BNC2: variants seen among roughly 807,000 people sequenced by gnomAD.
BNC2 encodes zinc finger protein basonuclin-2.
Under a neutral mutation model 76.3 loss-of-function variants are expected in BNC2, and 20 were observed. That is an observed-to-expected ratio of 0.26 (90% CI 0.18 to 0.38). The LOEUF is 0.38. Among genes scored for constraint, BNC2 ranks in the 10% least tolerant of loss-of-function variants. The pLI, the probability that BNC2 is intolerant of heterozygous loss-of-function variation, is 1.00. For synonymous variants in BNC2, 582 were observed against 514.8 expected, an observed-to-expected ratio of 1.13 and a Z score of -1.77; for missense variants, 1,382 against 1,399.8, an observed-to-expected ratio of 0.99 and a Z score of 0.20.
At chr9:16,519,866 G>C (rs1817560289) in intron 5 of BNC2, among the ~76,000 whole-genome samples, 1 of 152,144 alleles carries the variant, frequency 6.6e-6, no homozygotes, top group Non-Finnish European at 1.5e-5. Flanking sequence ...CCTCCTTCCA[G>C]GTAGAACTAA....
chr9:16,436,332 T>G lies in BNC2; in HGVS notation c.1862A>C (p.His621Pro). The G allele has an allele frequency of 6.2e-7, 1 of 1,614,116 alleles. No homozygotes were observed. The change falls in exon 6 of 7, where the codon CAT becomes CCT. Residue 621 changes from histidine to proline, a missense_variant. Around this residue, in one of 3 missense-constraint regions of BNC2, gnomAD observed 798 missense variants for 775.5 expected, o/e 1.03. Coordinates refer to ENST00000380672, the MANE Select transcript of BNC2 (RefSeq NM_017637.6). ...PVVPAVMMAT[H>P]EPSADLAPKK... The stretch of plus-strand genomic sequence containing the variant: ...GGGTGCCAGGTCAGCACTGGGCTCA[T>G]GGGTGGCCATCATCACTGCTGGCAC...
At chr9:16,843,701 G>A (rs545777385) in intron 1 of BNC2, among the ~76,000 whole-genome samples, 21 of 152,306 alleles carry the variant, frequency 1.4e-4, no homozygotes, top group African/African-American at 5.1e-4. Flanking sequence ...TTTAGTAAAT[G>A]TTTCTGAGCT....
Position 16,787,272 on chromosome 9 carries a change from T to A in BNC2, c.4-48787A>T, listed in dbSNP as rs572756911. Reference sequence around the variant, plus strand: ...ACCATCACCTGTGATCTTGAGTCAGTCATCTCAGAGCCCTCTCTAGACTTT... The same window carrying A: ...ACCATCACCTGTGATCTTGAGTCAGACATCTCAGAGCCCTCTCTAGACTTT... On this transcript the variant is annotated intron_variant, in intron 1 of 6. Coordinates refer to ENST00000380672, the MANE Select transcript of BNC2 (RefSeq NM_017637.6). Among the ~76,000 whole-genome samples, 7 of 152,332 alleles carry A rather than the reference T, an allele frequency of 4.6e-5. No individual in the cohort carries two copies. In the East Asian group the frequency reaches 1.4e-3, roughly 29 times the overall value.
chr9:16,723,583 AG>A (rs1023169731), intron 3 of BNC2, among the ~76,000 whole-genome samples: 3 of 152,200 alleles, frequency 2.0e-5, no homozygotes, highest in African/African-American at 7.2e-5. Flanking sequence ...TAGAAAAAAA[AG>A]ATTTCTTGAG....
chr9:16,422,859 C>T (rs1820735776), intron 6 of BNC2, among the ~76,000 whole-genome samples: 1 of 152,142 alleles, frequency 6.6e-6, no homozygotes, highest in Non-Finnish European at 1.5e-5. Flanking sequence ...TCAATCCAGA[C>T]CATTAGCTGT....
intron 1 of BNC2, among the ~76,000 whole-genome samples, chr9:16,801,464 G>A (rs1817776684): frequency 6.6e-6 from 1 of 150,928 alleles, no homozygotes; most frequent in African/African-American, 2.4e-5. Flanking sequence ...TCTTGAACTC[G>A]TGACCTCGTG....
chr9:16,727,392 T>C (rs1357913272), intron 3 of BNC2: 9 of 193,144 alleles, frequency 4.7e-5, no homozygotes, highest in Non-Finnish European at 2.1e-5. Context: ...TGACTGTTTT[T>C]TAGGTTGCGG....
chr9:16,421,413 T>C (rs530892736), intron 6 of BNC2: 1 of 536,090 alleles, frequency 1.9e-6, no homozygotes, highest in South Asian at 2.0e-5. Flanking sequence ...ACTTAAACAA[T>C]AAAATAGGGA....
At chr9:16,869,635 G>C (rs1454516234) in intron 1 of BNC2, among the ~76,000 whole-genome samples, 6 of 152,194 alleles carry the variant, frequency 3.9e-5, no homozygotes, top group African/African-American at 1.4e-4. Context: ...ACGCTGGGAG[G>C]AAGCAAACTA....
chr9:16,663,130 C>CTTTTTTTTTTT lies in BNC2; in HGVS notation c.330+64656_330+64666dup, dbSNP rs71325979. ...CCATAGGCACTCCACTCTGTTTACT[C>CTTTTTTTTTTT]TTTTTTTTTTTTTTTTGGAGACGGA... On this transcript the variant is annotated intron_variant, in intron 3 of 6. Coordinates refer to ENST00000380672, the MANE Select transcript of BNC2 (RefSeq NM_017637.6). Among the ~76,000 whole-genome samples the CTTTTTTTTTTT allele has an allele frequency of 1.4e-4, 14 of 99,614 alleles. 1 individual carries two copies. The highest frequency in any genetic ancestry group is 1.9e-4 in the Non-Finnish European group (9 of 47,334). 65.4% of individuals were successfully genotyped at this position (99,614 alleles called of 152,430 possible). A position where few individuals can be genotyped will look rare whatever the true frequency, so the allele number is the denominator to read the frequency against.
Position 16,419,505 on chromosome 9 carries a change from C to A in BNC2, c.2784G>T (p.Gly928=). 6.2e-7 allele frequency: 1 copy of A among 1,614,090 alleles called. No individual in the cohort carries two copies. The highest frequency in any genetic ancestry group is 8.5e-7 in the Non-Finnish European group (1 of 1,180,016). ...VKIYGAQHPM[G]LDVREDASSP... ...AGGAGGCGTCTTCCCTGACATCGAGCCCCATGGGGTGCTGGGCACCATATA... is the reference window on the plus strand; with the variant it reads ...AGGAGGCGTCTTCCCTGACATCGAGACCCATGGGGTGCTGGGCACCATATA... Residue 928 remains glycine, a synonymous_variant, in exon 7 of 7, where the codon GGG becomes GGT. Transcript: ENST00000380672.
At chr9:16,643,889 T>C (rs188177659) in intron 3 of BNC2, among the ~76,000 whole-genome samples, 4 of 152,086 alleles carry the variant, frequency 2.6e-5, no homozygotes, top group African/African-American at 4.8e-5. Flanking sequence ...TCAAGAACAA[T>C]AGGAACAAGT....
chr9:16,618,170 G>A (rs1006876556), intron 3 of BNC2, among the ~76,000 whole-genome samples: 1 of 152,124 alleles, frequency 6.6e-6, no homozygotes, highest in African/African-American at 2.4e-5. Context: ...CAGTGCCTTG[G>A]GGACTGGTTG....
chr9:16,806,392 A>C (rs79538054), intron 1 of BNC2, among the ~76,000 whole-genome samples: 4,746 of 152,222 alleles, frequency 0.031, 150 homozygotes, highest in African/African-American at 0.079. Context: ...AAAGAAAAGA[A>C]AAGAAAGAAG....
chr9:16,444,457 G>C (rs1166812587), intron 5 of BNC2, among the ~76,000 whole-genome samples: 4 of 148,012 alleles, frequency 2.7e-5, no homozygotes, highest in African/African-American at 9.7e-5. Context: ...ACCTGCCGGT[G>C]TGCTGACCTC....
At chr9:16,498,762 T>G (rs538033552) in intron 5 of BNC2, among the ~76,000 whole-genome samples, 2 of 152,026 alleles carry the variant, frequency 1.3e-5, no homozygotes, top group Non-Finnish European at 2.9e-5. Flanking sequence ...ATGCCTCATA[T>G]TGGGAAACAG....
In BNC2 at chr9:16,698,006, G is replaced by A. The variant is rs560867347; in HGVS notation, c.330+29791C>T. Among the ~76,000 whole-genome samples, 5 of 152,196 alleles carry A rather than the reference G, an allele frequency of 3.3e-5. No homozygotes were observed. The East Asian group carries it at 7.8e-4, about 24-fold the overall frequency. On this transcript the variant is annotated intron_variant, in intron 3 of 6. Transcript: ENST00000380672. ...TAGTTTCTACTTAGTTTCAAGTCCAGGGTAGGCAAACAAGCCTGTGGGCCA... is the reference window on the plus strand; with the variant it reads ...TAGTTTCTACTTAGTTTCAAGTCCAAGGTAGGCAAACAAGCCTGTGGGCCA...
intron 4 of BNC2, among the ~76,000 whole-genome samples, chr9:16,561,438 G>T (rs1011148005): frequency 2.0e-4 from 30 of 152,098 alleles, no homozygotes; most frequent in African/African-American, 7.2e-4. Flanking sequence ...AGTAGAGTAT[G>T]CCTAAGCTCA....
chr9:16,530,323 A>G lies in BNC2; in HGVS notation c.669+22207T>C, dbSNP rs1039157598. ...ATCTTCAAGTTTTATTATACCTGCA[A>G]AATTTAGTTAACAACAACTTCACCT... is the stretch of plus-strand genomic sequence containing the variant. On this transcript the variant is annotated intron_variant, in intron 5 of 6. Coordinates refer to ENST00000380672, the MANE Select transcript of BNC2 (RefSeq NM_017637.6). Among the ~76,000 whole-genome samples the G allele has an allele frequency of 2.6e-5, 4 of 152,132 alleles. No individual in the cohort carries two copies. The South Asian group carries it at 6.2e-4, about 24-fold the overall frequency.
Sources: allele counts gnomAD v4.1 joint callset (sites outside exome capture counted in the v4.1 genomes callset), GRCh38; gene constraint gnomAD v4.1.1; regional missense constraint gnomAD v4.1.1; transcripts MANE v1.5; gene names NCBI Gene and HGNC (gene_info 2026-07-23, HGNC 2026-07-21).